The following TCTN1 variants were observed in gnomAD, a reference collection of about 807,000 sequenced individuals.
TCTN1 encodes tectonic family member 1, also known as tectonic-1.
In TCTN1, 58 loss-of-function variants were observed where a neutral mutation model predicts 65.8. The ratio of observed to expected loss-of-function variants is 0.88; its 90% CI spans 0.71 to 1.10. The LOEUF (loss-of-function observed/expected upper bound fraction) is 1.10. Among genes scored for constraint, TCTN1 ranks in the 50% least tolerant of loss-of-function variants. The probability of loss-of-function intolerance (pLI) is 0.00; values close to 1 mark genes in which losing one functional copy is unlikely to be tolerated. For missense variants in TCTN1, 645 were observed against 719.4 expected, an observed-to-expected ratio of 0.90 and a Z score of 1.18; for synonymous variants, 273 against 289.1, an observed-to-expected ratio of 0.94 and a Z score of 0.57.
chr12:110,635,040 A>G (rs1458008002), intron 6 of TCTN1, among the ~76,000 whole-genome samples: 3 of 152,200 alleles, frequency 2.0e-5, no homozygotes, highest in Non-Finnish European at 4.4e-5. Flanking sequence ...CCTGAATAAA[A>G]ACAAATCTTT....
chr12:110,645,083 T>C lies in TCTN1; in HGVS notation c.1448T>C (p.Leu483Pro). 3 of 1,614,156 alleles carry C rather than the reference T, an allele frequency of 1.9e-6. No individual in the cohort carries two copies. Among genetic ancestry groups the C allele is most frequent in the Non-Finnish European group, 2.5e-6 (3 of 1,180,024 alleles). The change falls in exon 12 of 15, where the codon CTG becomes CCG. Residue 483 changes from leucine (L) to proline (P), a missense_variant. Leu to Pro is a moderately conservative substitution (Grantham distance 98). Transcript: ENST00000397659. ...GGAAATTCCCAGGCCCAGGACATGC[T>C]GGACTGGGTGCCCATCCACTTCATC... is the stretch of plus-strand genomic sequence containing the variant. ...PFGNSQAQDM[L>P]DWVPIHFITQ...
At position 110,641,291 on chromosome 12, in the gene TCTN1, G is replaced by A. The variant is rs573707373; in HGVS notation, c.1104+142G>A. 3.3e-6 allele frequency: 4 copies of A among 1,222,624 alleles called. No individual in the cohort carries two copies. The African/African-American group carries it at 4.5e-5, about 14-fold the overall frequency. 75.7% of individuals were successfully genotyped at this position (1,222,624 alleles called of 1,614,324 possible). On this transcript the variant is annotated intron_variant, in intron 9 of 14. Transcript: ENST00000397659. ...AGGGCTTTGTGTAGCCTGTGCATTT[G>A]TAATGAAACCAAGCATTCTCCTTGT...
At chr12:110,636,845 A>T (rs1400449290) in intron 7 of TCTN1, among the ~76,000 whole-genome samples, 3 of 152,190 alleles carry the variant, frequency 2.0e-5, no homozygotes, top group Non-Finnish European at 4.4e-5. Flanking sequence ...AGCTCCCAGG[A>T]TGCTGCCCGT....
At chr12:110,633,947 T>C (rs2066393404) in intron 5 of TCTN1, among the ~76,000 whole-genome samples, 1 of 152,192 alleles carries the variant, frequency 6.6e-6, no homozygotes, top group Non-Finnish European at 1.5e-5. Context: ...ATTGCAGCAT[T>C]GTTGGTGGTA....
At position 110,639,499 on chromosome 12, in the gene TCTN1, G is replaced by A. The variant is rs1039375162; in HGVS notation, c.844-884G>A. ...GCGTGCTTGCGCTTGTATAGAAGTT[G>A]TGTATAAATTGGGTCAAATGAATAT... On this transcript the variant is annotated intron_variant, in intron 7 of 14. Coordinates refer to ENST00000397659, the MANE Select transcript of TCTN1 (RefSeq NM_001082538.3). The surrounding 1 kb of genome is among the most constrained non-coding windows in gnomAD (Gnocchi z 4.9). Among the ~76,000 whole-genome samples the A allele has an allele frequency of 1.3e-5, 2 of 151,882 alleles. No homozygotes were observed. The highest frequency in any genetic ancestry group is 4.8e-5 in the African/African-American group (2 of 41,314).
chr12:110,633,442 G>C (rs909411375), intron 5 of TCTN1, among the ~76,000 whole-genome samples: 7 of 152,102 alleles, frequency 4.6e-5, no homozygotes, highest in Non-Finnish European at 1.0e-4. Flanking sequence ...AGGAGTTTGA[G>C]CCTGGGCAAC....
intron 7 of TCTN1, among the ~76,000 whole-genome samples, chr12:110,637,793 C>G (rs997685205): frequency 6.6e-6 from 1 of 152,248 alleles, no homozygotes; most frequent in Non-Finnish European, 1.5e-5. Context: ...CTGGAACCGT[C>G]TGTGGGGGCA....
rs2067370259 is a variant in TCTN1 at position 110,647,073 on chromosome 12, T to G, written c.1495-123T>G. On this transcript the variant is annotated intron_variant, in intron 12 of 14. Coordinates refer to ENST00000397659, the MANE Select transcript of TCTN1 (RefSeq NM_001082538.3). The stretch of plus-strand genomic sequence containing the variant: ...TCTCTAAGCTGTTTTTATCTGAACT[T>G]GTAGAGTCTATTCATTTTCTTGTTC... 4.3e-6 allele frequency: 5 copies of G among 1,173,668 alleles called. No individual in the cohort carries two copies. The South Asian group carries it at 6.5e-5, about 15-fold the overall frequency. 72.7% of individuals were successfully genotyped at this position (1,173,668 alleles called of 1,614,324 possible).
Position 110,649,354 on chromosome 12 carries a change from G to T in TCTN1, c.*313G>T. 6 of 1,439,484 alleles carry T rather than the reference G, an allele frequency of 4.2e-6. No homozygotes were observed. The highest frequency in any genetic ancestry group is 3.5e-5 in the South Asian group (3 of 84,866). The allele number at this position is 1,439,484 out of a possible 1,614,324, so 89.2% of individuals were successfully genotyped here. On this transcript the variant is annotated 3_prime_UTR_variant, in exon 15 of 15. Transcript: ENST00000397659. ...CCCAGGAGGGGCAGCTGTTCCTCTC[G>T]TGACAGCACAGGCCCATGAGACAGT...
At chr12:110,620,844 G>A (rs913347583) in intron 2 of TCTN1, among the ~76,000 whole-genome samples, 1 of 142,942 alleles carries the variant, frequency 7.0e-6, no homozygotes, top group Non-Finnish European at 1.5e-5. Context: ...ATGGAGTCTC[G>A]CTCTGTTGCC....
intron 11 of TCTN1, chr12:110,643,616 CT>C (rs1178392664): frequency 1.3e-5 from 2 of 152,188 alleles, no homozygotes; most frequent in African/African-American, 4.8e-5. Flanking sequence ...GACCCACACA[CT>C]TCCCACATCT....
chr12:110,618,381 C>A (rs2065192208), intron 1 of TCTN1, among the ~76,000 whole-genome samples: 1 of 152,130 alleles, frequency 6.6e-6, no homozygotes, highest in Non-Finnish European at 1.5e-5. Context: ...GCTGGGACTA[C>A]AGGTGCCCGC....
At chr12:110,623,101 C>G (rs2065558093) in intron 2 of TCTN1, among the ~76,000 whole-genome samples, 1 of 152,180 alleles carries the variant, frequency 6.6e-6, no homozygotes, top group Non-Finnish European at 1.5e-5. Flanking sequence ...TATGAGCTCA[C>G]ACCTCATCCT....
chr12:110,621,954 A>G (rs1185400659), intron 2 of TCTN1, among the ~76,000 whole-genome samples: 2 of 151,650 alleles, frequency 1.3e-5, no homozygotes, highest in African/African-American at 4.8e-5. Context: ...CCTGGCCAAG[A>G]TAGTGAAACC....
Position 110,634,594 on chromosome 12 carries a change from T to G in TCTN1, c.713-76T>G, listed in dbSNP as rs1328345592. 7 of 1,161,646 alleles carry G rather than the reference T, an allele frequency of 6.0e-6. No homozygotes were observed. The East Asian group carries it at 1.5e-4, about 25-fold the overall frequency. 72.0% of individuals were successfully genotyped at this position (1,161,646 alleles called of 1,614,324 possible). On this transcript the variant is annotated intron_variant, in intron 5 of 14. Coordinates refer to ENST00000397659, the MANE Select transcript of TCTN1 (RefSeq NM_001082538.3). Reference sequence around the variant, plus strand: ...ACAGTTTTACCTAGATTAAAACTTTTTAGTTGCCATTGGAAAATTGAAAAA... The same window carrying G: ...ACAGTTTTACCTAGATTAAAACTTTGTAGTTGCCATTGGAAAATTGAAAAA...
At chr12:110,647,923 A>G (rs1399932789) in intron 14 of TCTN1, 30 bp downstream of exon 14, 2 of 1,611,718 alleles carry the variant, frequency 1.2e-6, no homozygotes, top group Admixed American at 1.7e-5. Context: ...CCCTCCTCTG[A>G]GGTCATCCCC....
At chr12:110,631,695 A>T (rs2066247968) in intron 4 of TCTN1, among the ~76,000 whole-genome samples, 1 of 152,138 alleles carries the variant, frequency 6.6e-6, no homozygotes, top group Non-Finnish European at 1.5e-5. Context: ...GAGCTGTTCC[A>T]CTCTTAACAG....
chr12:110,620,810 C>CTTTTTTTTTTTTT (rs1216049794), intron 2 of TCTN1, among the ~76,000 whole-genome samples: 1 of 133,330 alleles, frequency 7.5e-6, no homozygotes. Context: ...TTCAAGGCTT[C>CTTTTTTTTTTTTT]TTTTTTTTTT....
chr12:110,640,576 G>T lies in TCTN1; in HGVS notation c.978+59G>T. On this transcript the variant is annotated intron_variant, in intron 8 of 14. Transcript: ENST00000397659. The surrounding 1 kb of genome is among the most constrained non-coding windows in gnomAD (Gnocchi z 4.9). ...GTGGCAGACTTAAGCCTCTTGTTGC[G>T]CCGGGGTAACTGGACGCCCTCCGAG... is the stretch of plus-strand genomic sequence containing the variant. The T allele has an allele frequency of 6.2e-7, 1 of 1,612,638 alleles. No homozygotes were observed. Among genetic ancestry groups the T allele is most frequent in the East Asian group, 2.2e-5 (1 of 44,878 alleles).
Sources: allele counts gnomAD v4.1 joint callset (sites outside exome capture counted in the v4.1 genomes callset), GRCh38; gene constraint gnomAD v4.1.1; non-coding constraint Gnocchi (gnomAD v3.1); transcripts MANE v1.5; gene names NCBI Gene and HGNC (gene_info 2026-07-23, HGNC 2026-07-21).